Variants in MCMBP observed in about 807,000 individuals in gnomAD.
The protein encoded by MCMBP is minichromosome maintenance complex binding protein, also known as mini-chromosome maintenance complex-binding protein.
In MCMBP, 31 loss-of-function variants were observed where a neutral mutation model predicts 81.3. That is an observed-to-expected ratio of 0.38 (90% CI 0.29 to 0.51). MCMBP has a LOEUF of 0.51. Among genes scored for constraint, MCMBP ranks in the 20% least tolerant of loss-of-function variants. The pLI is 0.87. For missense variants in MCMBP, 645 were observed against 772.1 expected, an observed-to-expected ratio of 0.84 and a Z score of 1.95; for synonymous variants, 267 against 275.9, an observed-to-expected ratio of 0.97 and a Z score of 0.32.
At chr10:119,859,392 A>G (rs754830501) in intron 2 of MCMBP, among the ~76,000 whole-genome samples, 9 of 152,196 alleles carry the variant, frequency 5.9e-5, no homozygotes, top group Non-Finnish European at 1.2e-4. Flanking sequence ...CAAGTTTTAG[A>G]TAACATTTGA....
rs535000974 is a variant in MCMBP, at chr10:119,860,269, T to C, written c.59-385A>G. The stretch of plus-strand genomic sequence containing the variant: ...AATACATTTTTATGTAGTTTTTTTA[T>C]CTTTACAACTATCCTGAAATAAAGA... On this transcript the variant is annotated intron_variant, in intron 1 of 15. Coordinates refer to ENST00000369077, the MANE Select transcript of MCMBP (RefSeq NM_001256378.2). 2.6e-5 allele frequency among the ~76,000 whole-genome samples: 4 copies of C among 152,340 alleles called. No homozygotes were observed. In the South Asian group the frequency reaches 6.2e-4, roughly 24 times the overall value.
At chr10:119,848,947 T>C (rs1421986598) in intron 7 of MCMBP, among the ~76,000 whole-genome samples, 3 of 152,250 alleles carry the variant, frequency 2.0e-5, no homozygotes, top group Non-Finnish European at 4.4e-5. Flanking sequence ...TTTTAACTTG[T>C]TAGCTTACAT....
intron 1 of MCMBP, among the ~76,000 whole-genome samples, chr10:119,866,949 C>T (rs1371381241): frequency 1.3e-4 from 19 of 151,544 alleles, no homozygotes; most frequent in African/African-American, 4.6e-4. Context: ...GGTGACAGAG[C>T]GAGACTCTGT....
rs1851913107 is a variant in MCMBP, at chr10:119,829,520, C to T, written c.*1954G>A. 1 of 152,222 alleles carries T rather than the reference C, an allele frequency of 6.6e-6. No individual in the cohort carries two copies. The highest frequency in any genetic ancestry group is 6.5e-5 in the Admixed American group (1 of 15,276). 9.4% of individuals were successfully genotyped at this position (152,222 alleles called of 1,614,324 possible). On this transcript the variant is annotated 3_prime_UTR_variant, in exon 16 of 16. Transcript: ENST00000369077. The stretch of plus-strand genomic sequence containing the variant: ...GGTTACACAGGAGTCTACTCAGTTT[C>T]CTGGCCATACAGGATTAACGCTGTG...
At chr10:119,842,349 C>T in intron 10 of MCMBP, 123 bp downstream of exon 10, 2 of 1,083,314 alleles carry the variant, frequency 1.8e-6, no homozygotes, top group Non-Finnish European at 2.6e-6. Context: ...TAACACTGGA[C>T]AGATAAAAAC....
At position 119,831,302 on chromosome 10, in the gene MCMBP, A is replaced by C; in HGVS notation, c.*172T>G. On this transcript the variant is annotated 3_prime_UTR_variant, in exon 16 of 16. Coordinates refer to ENST00000369077, the MANE Select transcript of MCMBP (RefSeq NM_001256378.2). Reference sequence around the variant, plus strand: ...AAAGCTCCATGAAATCAGTAAGGTAAAAGTCCTTACTGAATATCATATAAA... The same window carrying C: ...AAAGCTCCATGAAATCAGTAAGGTACAAGTCCTTACTGAATATCATATAAA... 1.8e-6 allele frequency: 1 copy of C among 543,458 alleles called. No homozygotes were observed. 33.7% of individuals were successfully genotyped at this position (543,458 alleles called of 1,614,324 possible).
intron 13 of MCMBP, 89 bp downstream of exon 13, chr10:119,836,807 A>C: frequency 1.2e-5 from 6 of 506,776 alleles, no homozygotes; most frequent in South Asian, 3.2e-5. Flanking sequence ...AACAAATGTA[A>C]CTTATTAATA....
At chr10:119,855,436 T>G (rs887458865) in intron 5 of MCMBP, among the ~76,000 whole-genome samples, 2 of 151,294 alleles carry the variant, frequency 1.3e-5, no homozygotes, top group African/African-American at 4.8e-5. Flanking sequence ...CTTTGGGAGG[T>G]TGAGGCAGGT....
In MCMBP at chr10:119,872,522, C is replaced by T. The variant is rs1490863003; in HGVS notation, c.58+5G>A. 67 of 1,195,678 alleles carry T rather than the reference C, an allele frequency of 5.6e-5. No homozygotes were observed. Among genetic ancestry groups the T allele is most frequent in the Non-Finnish European group, 6.7e-5 (64 of 958,246 alleles). 74.1% of individuals were successfully genotyped at this position (1,195,678 alleles called of 1,614,324 possible). ...CCCGGCCCGCCCCCCGGCGCCGCCA[C>T]TCACCGAAGAATCCCTGCACGATTC... On this transcript the variant is annotated splice_donor_5th_base_variant and intron_variant, in intron 1 of 15. Coordinates refer to ENST00000369077, the MANE Select transcript of MCMBP (RefSeq NM_001256378.2).
At chr10:119,861,253 T>C (rs556544140) in intron 1 of MCMBP, among the ~76,000 whole-genome samples, 79 of 152,226 alleles carry the variant, frequency 5.2e-4, no homozygotes, top group African/African-American at 1.8e-3. Context: ...GGGCCAGTTG[T>C]GAAAAAGAAG....
chr10:119,870,263 A>G (rs546619039), intron 1 of MCMBP, among the ~76,000 whole-genome samples: 3 of 152,156 alleles, frequency 2.0e-5, no homozygotes, highest in Non-Finnish European at 4.4e-5. Flanking sequence ...CCTGGCCAAC[A>G]CTGTGAAACC....
Position 119,831,599 on chromosome 10 carries a change from A to G in MCMBP, c.1798T>C (p.Cys600Arg). The G allele has an allele frequency of 3.1e-6, 5 of 1,610,890 alleles. No homozygotes were observed. Among genetic ancestry groups the G allele is most frequent in the Non-Finnish European group, 4.2e-6 (5 of 1,179,232 alleles). Residue 600 changes from cysteine (C) to arginine (R), a missense_variant and splice_region_variant, in exon 16 of 16, where the codon TGT (cysteine) becomes CGT (arginine). Transcript: ENST00000369077. ...DLHQLLVVAR[C>R]LSLSAGQTTL... Reference sequence around the variant, plus strand: ...GTCTGACCAGCACTGAGAGACAGACACCTGGTTTGAAACACAGAAACAAAT... The same window carrying G: ...GTCTGACCAGCACTGAGAGACAGACGCCTGGTTTGAAACACAGAAACAAAT...
chr10:119,836,658 G>C (rs1000844162), intron 13 of MCMBP, among the ~76,000 whole-genome samples: 2 of 151,594 alleles, frequency 1.3e-5, no homozygotes, highest in Non-Finnish European at 2.9e-5. Context: ...CAACAGCCTT[G>C]CTGGTCTCAT....
rs1852500808 is a variant in MCMBP at position 119,843,253 on chromosome 10, C to T, written c.1000+1G>A. 1 of 1,613,470 alleles carries T rather than the reference C, an allele frequency of 6.2e-7. No individual in the cohort carries two copies. The highest frequency in any genetic ancestry group is 8.5e-7 in the Non-Finnish European group (1 of 1,179,588). ...GACTAGGCTGTAACACTTACACTTACAGGTTTTGCTCTCCTCTTTGTTAAG... is the reference window on the plus strand; with the variant it reads ...GACTAGGCTGTAACACTTACACTTATAGGTTTTGCTCTCCTCTTTGTTAAG... On this transcript the variant is annotated splice_donor_variant, in intron 9 of 15. Transcript: ENST00000369077. LOFTEE classifies it high-confidence loss of function.
intron 6 of MCMBP, 114 bp downstream of exon 6, chr10:119,852,936 C>T (rs1852883015): frequency 1.9e-5 from 24 of 1,284,746 alleles, no homozygotes; most frequent in Non-Finnish European, 2.5e-5. Flanking sequence ...ATGTCTGTAA[C>T]TCTGATAAAT....
intron 5 of MCMBP, among the ~76,000 whole-genome samples, chr10:119,856,114 C>T (rs548987676): frequency 2.0e-5 from 3 of 151,046 alleles, no homozygotes; most frequent in East Asian, 3.9e-4. Context: ...CCCAGCTACT[C>T]GGGAGGCTGA....
At chr10:119,873,083 G>T (rs1330065853), upstream of MCMBP, among the ~76,000 whole-genome samples, 1 of 152,116 alleles carries the variant, frequency 6.6e-6, no homozygotes, top group East Asian at 2.0e-4. Flanking sequence ...CCCCTGGGCC[G>T]GCGTGTAGCG....
chr10:119,853,233 G>A, intron 5 of MCMBP, 39 bp from the exon 6 acceptor site: 1 of 1,571,826 alleles, frequency 6.4e-7, no homozygotes, highest in Non-Finnish European at 8.7e-7. Flanking sequence ...CATAAACTGA[G>A]GAATATCCTA....
chr10:119,849,860 A>AT (rs1852747447), intron 6 of MCMBP, among the ~76,000 whole-genome samples: 1 of 152,206 alleles, frequency 6.6e-6, no homozygotes, highest in South Asian at 2.1e-4. Flanking sequence ...CCAGTTTCAA[A>AT]AGTTGATTTG....
Sources: gnomAD v4.1 joint callset for allele counts (sites outside exome capture counted in the v4.1 genomes callset) on GRCh38, gnomAD v4.1.1 for gene constraint, MANE v1.5 for transcripts, NCBI Gene and HGNC (gene_info 2026-07-23, HGNC 2026-07-21) for gene names.